The following NBAS variants were observed in gnomAD, a reference collection of about 807,000 sequenced individuals.
The protein encoded by NBAS is NBAS subunit of NRZ tethering complex.
NBAS carries 219 observed loss-of-function variants against 302.5 expected under a neutral mutation model. That is an observed-to-expected ratio of 0.72 (90% CI 0.65 to 0.81). NBAS has a LOEUF of 0.81. Among genes scored for constraint, NBAS ranks in the 30% least tolerant of loss-of-function variants. The pLI is 0.00. For missense variants in NBAS, 2,932 were observed against 2,841.6 expected (o/e 1.03, Z -0.72); for synonymous variants, 1,118 against 1,021.6 (o/e 1.09, Z -1.80).
the NBAS span, among the ~76,000 whole-genome samples, chr2:14,919,245 A>T: frequency 6.6e-6 from 1 of 152,198 alleles, no homozygotes; most frequent in Non-Finnish European, 1.5e-5. Context: ...TAGCCAGTAC[A>T]TATAAAAGAT....
At chr2:15,098,591 T>G in the NBAS span, among the ~76,000 whole-genome samples, 2 of 121,450 alleles carry the variant, frequency 1.6e-5, no homozygotes, top group Non-Finnish European at 3.2e-5. Context: ...TTATATATTA[T>G]ATATATTATA....
the NBAS span, among the ~76,000 whole-genome samples, chr2:14,938,792 G>A: frequency 1.3e-5 from 2 of 152,164 alleles, no homozygotes; most frequent in South Asian, 2.1e-4. Context: ...TAAGTGTTCT[G>A]TTCTATTAAC....
At chr2:14,990,071 AT>A in the NBAS span, among the ~76,000 whole-genome samples, 15 of 151,632 alleles carry the variant, frequency 9.9e-5, no homozygotes, top group African/African-American at 3.6e-4. Context: ...TTTATTCCTT[AT>A]CTTCTGATGA....
At chr2:15,192,676 T>C (rs1665418524) in intron 48 of NBAS, among the ~76,000 whole-genome samples, 1 of 152,178 alleles carries the variant, frequency 6.6e-6, no homozygotes, top group African/African-American at 2.4e-5. Context: ...TAGCCTTTTC[T>C]TCCTGCAGGA....
At chr2:14,905,768 G>T in the NBAS span, among the ~76,000 whole-genome samples, 1 of 152,188 alleles carries the variant, frequency 6.6e-6, no homozygotes, top group African/African-American at 2.4e-5. Context: ...AGGATAGAGG[G>T]TGGTTGCTGA....
the NBAS span, among the ~76,000 whole-genome samples, chr2:14,821,979 G>A: frequency 6.6e-6 from 1 of 152,072 alleles, no homozygotes; most frequent in Non-Finnish European, 1.5e-5. Flanking sequence ...GTTGCAGTGA[G>A]CCGAGATTGC....
chr2:14,925,904 C>G, the NBAS span, among the ~76,000 whole-genome samples: 1 of 152,294 alleles, frequency 6.6e-6, no homozygotes, highest in East Asian at 1.9e-4. Flanking sequence ...CCTTTTGGAT[C>G]ATTTTTGTTT....
the NBAS span, among the ~76,000 whole-genome samples, chr2:15,098,311 T>TCATATA: frequency 0.014 from 34 of 2,406 alleles, 1 homozygote; most frequent in Non-Finnish European, 0.025. Context: ...ATATAATATA[T>TCATATA]TGTATATCAT....
At chr2:15,069,213 A>T in the NBAS span, among the ~76,000 whole-genome samples, 1 of 152,238 alleles carries the variant, frequency 6.6e-6, no homozygotes, top group Non-Finnish European at 1.5e-5. Context: ...GCACTGTCCA[A>T]TTGGAAAAGA....
At chr2:15,513,293 C>G (rs1168870486) in intron 9 of NBAS, among the ~76,000 whole-genome samples, 1 of 152,200 alleles carries the variant, frequency 6.6e-6, no homozygotes, top group African/African-American at 2.4e-5. Flanking sequence ...TGTTCCTACC[C>G]TAAGCAAATC....
At chr2:14,791,859 A>C in the NBAS span, among the ~76,000 whole-genome samples, 1 of 151,070 alleles carries the variant, frequency 6.6e-6, no homozygotes, top group Non-Finnish European at 1.5e-5. Context: ...GCCTGAGTAG[A>C]ACAGGTGGAA....
chr2:15,488,165 GA>G (rs1341118332), intron 12 of NBAS, among the ~76,000 whole-genome samples: 1 of 152,178 alleles, frequency 6.6e-6, no homozygotes, highest in Non-Finnish European at 1.5e-5. Context: ...AAAACAGAGT[GA>G]GGGGGTGAGA....
intron 1 of NBAS, among the ~76,000 whole-genome samples, chr2:15,559,064 A>C (rs1664787221): frequency 2.5e-5 from 2 of 81,626 alleles, no homozygotes; most frequent in African/African-American, 1.1e-4. Context: ...CCCTGCCTCA[A>C]AAAAAAAAAA....
intron 44 of NBAS, among the ~76,000 whole-genome samples, chr2:15,246,259 G>A (rs1406889166): frequency 6.6e-6 from 1 of 152,168 alleles, no homozygotes; most frequent in Non-Finnish European, 1.5e-5. Context: ...CAGTGCAGGG[G>A]TTCACTCCTC....
chr2:15,244,184 T>C (rs181325443), intron 44 of NBAS, among the ~76,000 whole-genome samples: 5 of 152,242 alleles, frequency 3.3e-5, no homozygotes, highest in Non-Finnish European at 5.9e-5. Context: ...TAACAGATAT[T>C]AAATAAATAA....
At chr2:15,075,834 A>C in the NBAS span, among the ~76,000 whole-genome samples, 1 of 152,204 alleles carries the variant, frequency 6.6e-6, no homozygotes, top group Non-Finnish European at 1.5e-5. Context: ...GTATCCTTAC[A>C]TAGTCCTTGC....
In NBAS at chr2:15,493,535, C is replaced by T. The variant is rs553191496; in HGVS notation, c.955-4513G>A. 9.9e-5 allele frequency among the ~76,000 whole-genome samples: 15 copies of T among 152,112 alleles called. No individual in the cohort carries two copies. The South Asian group carries it at 3.1e-3, about 32-fold the overall frequency. ...TACAAAAATTAGCCAGGCATGATGG[C>T]AAGTGCCTATAATCCCAGCTACTTA... On this transcript the variant is annotated intron_variant, in intron 11 of 51. Coordinates refer to ENST00000281513, the MANE Select transcript of NBAS (RefSeq NM_015909.4).
chr2:14,995,708 G>A, the NBAS span, among the ~76,000 whole-genome samples: 1 of 152,168 alleles, frequency 6.6e-6, no homozygotes, highest in Non-Finnish European at 1.5e-5. Flanking sequence ...GCTGAGCTGT[G>A]TCTCCCCAAA....
At chr2:15,290,568 A>T (rs941721710) in intron 41 of NBAS, among the ~76,000 whole-genome samples, 1 of 152,210 alleles carries the variant, frequency 6.6e-6, no homozygotes, top group Non-Finnish European at 1.5e-5. Context: ...AACCGTGAAC[A>T]TGGCACCAAG....
Sources: allele counts gnomAD v4.1 joint callset (sites outside exome capture counted in the v4.1 genomes callset), GRCh38; gene constraint gnomAD v4.1.1; transcripts MANE v1.5; gene names NCBI Gene and HGNC (gene_info 2026-07-23, HGNC 2026-07-21).